The following PFKFB3 variants were observed in gnomAD, a reference collection of about 807,000 sequenced individuals.
PFKFB3 encodes 6-phosphofructo-2-kinase/fructose-2,6-biphosphatase 3.
PFKFB3 carries 33 observed loss-of-function variants against 68.0 expected under a neutral mutation model. That is an observed-to-expected ratio of 0.49 (90% CI 0.37 to 0.65). The LOEUF (loss-of-function observed/expected upper bound fraction) is 0.65, where lower values mean the gene tolerates loss of function less well. Ranked by LOEUF, PFKFB3 falls within the 30% of genes least tolerant of loss-of-function variation. The pLI, the probability that PFKFB3 is intolerant of heterozygous loss-of-function variation, is 0.00. For synonymous variants in PFKFB3, 315 were observed against 288.2 expected (o/e 1.09, Z -0.94); for missense variants, 586 against 712.2 (o/e 0.82, Z 2.02).
Position 6,228,748 on chromosome 10 carries a change from A to G in PFKFB3, c.1515+2383A>G, listed in dbSNP as rs75917931. Reference sequence around the variant, plus strand: ...CTCCCTCCCCATGAGGACCCCCCACACCCCAAAAGAGCTCCGAGTGGAGAC... The same window carrying G: ...CTCCCTCCCCATGAGGACCCCCCACGCCCCAAAAGAGCTCCGAGTGGAGAC... On this transcript the variant is annotated intron_variant, in intron 14 of 14. Coordinates refer to ENST00000379775, the MANE Select transcript of PFKFB3 (RefSeq NM_004566.4). The surrounding 1 kb of genome is among the most constrained non-coding windows in gnomAD (Gnocchi z 4.5). 0.044 allele frequency among the ~76,000 whole-genome samples: 6,725 copies of G among 151,850 alleles called. 489 individuals are homozygous for G. Among genetic ancestry groups the G allele is most frequent in the African/African-American group, 0.15 (6,356 of 41,366 alleles).
At position 6,232,522 on chromosome 10, in the gene PFKFB3, G is replaced by A. The variant is rs570880209; in HGVS notation, c.1516-373G>A. 5.5e-4 allele frequency among the ~76,000 whole-genome samples: 83 copies of A among 152,260 alleles called. 1 individual carries two copies. The highest frequency in any genetic ancestry group is 1.8e-3 in the African/African-American group (75 of 41,552). ...GGCCCTGTGTGTCCTTGGAGGCCCC[G>A]GGCTCATCCTCTGCCTGGCTGTGGT... is the stretch of plus-strand genomic sequence containing the variant. On this transcript the variant is annotated intron_variant, in intron 14 of 14. Transcript: ENST00000379775.
chr10:6,157,478 G>A (rs1354775245), intron 1 of PFKFB3, among the ~76,000 whole-genome samples: 1 of 152,206 alleles, frequency 6.6e-6, no homozygotes, highest in East Asian at 1.9e-4. Context: ...CGCCCGCCTC[G>A]GCCTCCCAAA....
rs1338091560 is a variant in PFKFB3, at chr10:6,185,722, C to G, written c.17-27901C>G. On this transcript the variant is annotated intron_variant, in intron 1 of 14. Coordinates refer to the PFKFB3 transcript ENST00000379789. Reference sequence around the variant, plus strand: ...ATGTGAGATTTCGGCTCACTGCAACCTCTGCCTCCTGGGTTCAAGCGATTT... The same window carrying G: ...ATGTGAGATTTCGGCTCACTGCAACGTCTGCCTCCTGGGTTCAAGCGATTT... Among the ~76,000 whole-genome samples, 6 of 149,742 alleles carry G rather than the reference C, an allele frequency of 4.0e-5. No individual in the cohort carries two copies. In the Admixed American group the frequency reaches 4.0e-4, roughly 10 times the overall value.
intron 1 of PFKFB3, chr10:6,145,055 G>A: frequency 2.3e-6 from 3 of 1,305,814 alleles, no homozygotes; most frequent in Non-Finnish European, 2.9e-6. Flanking sequence ...CAGCGCGCGC[G>A]GGGACCTGAG....
chr10:6,146,579 A>C (rs1841396530), intron 1 of PFKFB3: 1 of 1,299,544 alleles, frequency 7.7e-7, no homozygotes, highest in South Asian at 1.3e-5. Flanking sequence ...ACTGCAGGGG[A>C]CAATCATTTA....
intron 1 of PFKFB3, 34 bp downstream of exon 1, chr10:6,203,370 C>T (rs1299380342): frequency 6.6e-7 from 1 of 1,521,876 alleles, no homozygotes; most frequent in Non-Finnish European, 9.0e-7. Flanking sequence ...GGTTGCAGGG[C>T]GGGCTGCGCC....
the PFKFB3 span, among the ~76,000 whole-genome samples, chr10:6,307,333 ACACACACACACACACACAC>A: frequency 8.5e-6 from 1 of 117,444 alleles, no homozygotes; most frequent in Non-Finnish European, 1.6e-5. Context: ...TGCGTACTAC[ACACACACACACACACACAC>A]ACACACACAC....
chr10:6,219,114 G>C (rs938021147), intron 6 of PFKFB3, among the ~76,000 whole-genome samples: 1 of 152,224 alleles, frequency 6.6e-6, no homozygotes, highest in Non-Finnish European at 1.5e-5. Context: ...CTCAGGCAGT[G>C]GGGGGTGGAG....
rs1307991695 is a variant in PFKFB3, at chr10:6,229,693, C to A, written c.1516-3202C>A. 6.6e-6 allele frequency among the ~76,000 whole-genome samples: 1 copy of A among 152,212 alleles called. No homozygotes were observed. The highest frequency in any genetic ancestry group is 1.5e-5 in the Non-Finnish European group (1 of 68,038). Reference sequence around the variant, plus strand: ...TTCTCCTTGTGTGAAACTTTTTGGACTTGGAGCCTGAAGGTTTTACATCTG... The same window carrying A: ...TTCTCCTTGTGTGAAACTTTTTGGAATTGGAGCCTGAAGGTTTTACATCTG... On this transcript the variant is annotated intron_variant, in intron 14 of 14. Transcript: ENST00000379775. The surrounding 1 kb of genome is among the most constrained non-coding windows in gnomAD (Gnocchi z 4.3).
intron 1 of PFKFB3, among the ~76,000 whole-genome samples, chr10:6,206,958 G>A (rs1263899273): frequency 6.7e-6 from 1 of 149,772 alleles, no homozygotes; most frequent in Non-Finnish European, 1.5e-5. Context: ...TCCAGACTGG[G>A]CAGCCAGGCA....
At chr10:6,188,450 AT>A (rs1049005226) in intron 1 of PFKFB3, among the ~76,000 whole-genome samples, 4 of 150,664 alleles carry the variant, frequency 2.7e-5, no homozygotes, top group Admixed American at 1.3e-4. Flanking sequence ...GCAGGCACTG[AT>A]TTTTTTTTAA....
intron 1 of PFKFB3, among the ~76,000 whole-genome samples, chr10:6,171,027 TTTA>T (rs1049148443): frequency 4.0e-5 from 6 of 148,884 alleles, no homozygotes; most frequent in Admixed American, 2.2e-4. Flanking sequence ...TCTTCTCTAT[TTTA>T]TTATTATTAT....
At chr10:6,213,529 G>C (rs1466968478) in intron 1 of PFKFB3, 94 bp from the exon 2 acceptor site, 1 of 1,428,194 alleles carries the variant, frequency 7.0e-7, no homozygotes, top group Admixed American at 2.1e-5. Flanking sequence ...AAACATTTTT[G>C]GTGAAATTCT....
the PFKFB3 span, among the ~76,000 whole-genome samples, chr10:6,273,929 G>A: frequency 1.1e-4 from 16 of 152,126 alleles, no homozygotes; most frequent in African/African-American, 2.9e-4. Context: ...GTTGTGGGCC[G>A]GTGCGACAGC....
At chr10:6,231,220 CT>C in intron 14 of PFKFB3, 1 of 1,278,294 alleles carries the variant, frequency 7.8e-7, no homozygotes, top group East Asian at 2.3e-5. Flanking sequence ...TTTTTTTTTC[CT>C]TTTCCAACCT....
upstream of PFKFB3, among the ~76,000 whole-genome samples, chr10:6,200,659 C>CGGGGG (rs57019530): frequency 1.5e-4 from 10 of 68,950 alleles, no homozygotes; most frequent in African/African-American, 3.9e-4. Flanking sequence ...ATGTAAGGAG[C>CGGGGG]GGGGGGGGGG....
chr10:6,187,176 C>G (rs534125718), intron 1 of PFKFB3, among the ~76,000 whole-genome samples: 1 of 148,798 alleles, frequency 6.7e-6, no homozygotes, highest in Admixed American at 6.8e-5. Context: ...GCCTGGCCAA[C>G]ATGGTGAATC....
At chr10:6,314,114 T>G in the PFKFB3 span, among the ~76,000 whole-genome samples, 1 of 152,222 alleles carries the variant, frequency 6.6e-6, no homozygotes, top group Non-Finnish European at 1.5e-5. Flanking sequence ...ACATTGCCTA[T>G]GAATAGAGTA....
chr10:6,222,809 C>T, intron 10 of PFKFB3, 46 bp from the exon 11 acceptor site: 1 of 1,572,734 alleles, frequency 6.4e-7, no homozygotes, highest in Non-Finnish European at 8.7e-7. Context: ...GGCAGAGCCC[C>T]TCCCGAGTGC....
Sources: allele counts gnomAD v4.1 joint callset (sites outside exome capture counted in the v4.1 genomes callset), GRCh38; gene constraint gnomAD v4.1.1; non-coding constraint Gnocchi (gnomAD v3.1); transcripts MANE v1.5; gene names NCBI Gene and HGNC (gene_info 2026-07-23, HGNC 2026-07-21).